Variants in PIGX observed in about 807,000 individuals in gnomAD.
PIGX encodes GPI alpha-1,4-mannosyltransferase I, stabilizing subunit.
PIGX carries 24 observed loss-of-function variants against 28.7 expected under a neutral mutation model. That is an observed-to-expected ratio of 0.84 (90% CI 0.60 to 1.17). The LOEUF (loss-of-function observed/expected upper bound fraction) is 1.17. Among genes scored for constraint, PIGX ranks in the 50% most tolerant of loss-of-function variants. The pLI, the probability that PIGX is intolerant of heterozygous loss-of-function variation, is 0.00. For synonymous variants in PIGX, 127 were observed against 121.0 expected, an observed-to-expected ratio of 1.05 and a Z score of -0.33; for missense variants, 305 against 317.8, an observed-to-expected ratio of 0.96 and a Z score of 0.31.
rs553568373 is a variant in PIGX, at chr3:196,733,055, C to T, written c.634-704C>T. 2.6e-4 allele frequency among the ~76,000 whole-genome samples: 39 copies of T among 152,244 alleles called. No individual in the cohort carries two copies. The South Asian group carries it at 5.4e-3, about 21-fold the overall frequency. ...TTGTTTTAATGTTTTTCCTCTAAGT[C>T]TTCAATTTAGAGAGAATTCTGTATT... On this transcript the variant is annotated intron_variant, in intron 5 of 5. Coordinates refer to ENST00000392391, the MANE Select transcript of PIGX (RefSeq NM_017861.4). The surrounding 1 kb of genome is among the most constrained non-coding windows in gnomAD (Gnocchi z 4.3).
At chr3:196,718,295 C>T (rs977079476) in intron 2 of PIGX, among the ~76,000 whole-genome samples, 2 of 150,170 alleles carry the variant, frequency 1.3e-5, no homozygotes, top group South Asian at 2.1e-4. Flanking sequence ...GGCAACAGAG[C>T]GAGGCAAAAC....
At chr3:196,714,623 G>C (rs564451128) in intron 1 of PIGX, among the ~76,000 whole-genome samples, 2 of 152,064 alleles carry the variant, frequency 1.3e-5, no homozygotes, top group Non-Finnish European at 2.9e-5. Context: ...CACGACGCCC[G>C]GCTAATTTTT....
intron 3 of PIGX, among the ~76,000 whole-genome samples, chr3:196,724,201 G>A (rs1260506652): frequency 6.6e-6 from 1 of 151,846 alleles, no homozygotes; most frequent in African/African-American, 2.4e-5. Context: ...TTTTAGTAGA[G>A]GTGGGGTTTC....
intron 3 of PIGX, 30 bp downstream of exon 3, chr3:196,722,586 GAA>G: frequency 6.3e-7 from 1 of 1,594,700 alleles, no homozygotes; most frequent in Non-Finnish European, 8.6e-7. Flanking sequence ...TTTTGGGAGA[GAA>G]ATTAATTTAG....
At position 196,733,942 on chromosome 3, in the gene PIGX, A is replaced by T. The variant is rs758009707; in HGVS notation, c.*40A>T. 2 of 1,263,502 alleles carry T rather than the reference A, an allele frequency of 1.6e-6. No individual in the cohort carries two copies. The highest frequency in any genetic ancestry group is 1.7e-5 in the Admixed American group (1 of 57,224). 78.3% of individuals were successfully genotyped at this position (1,263,502 alleles called of 1,614,324 possible). A position where few individuals can be genotyped will look rare whatever the true frequency, so the allele number is the denominator to read the frequency against. On this transcript the variant is annotated 3_prime_UTR_variant, in exon 6 of 6. Transcript: ENST00000392391. This position sits in a 1 kb window ranked among gnomAD's most constrained non-coding sequence, Gnocchi z 4.3. ...AATGCTTCCTAGAAACCTAAATAAGATCTATTAATTTCTGACGAGAGGTGT... is the reference window on the plus strand; with the variant it reads ...AATGCTTCCTAGAAACCTAAATAAGTTCTATTAATTTCTGACGAGAGGTGT...
chr3:196,731,512 T>G (rs1712754229), intron 5 of PIGX, among the ~76,000 whole-genome samples: 1 of 152,200 alleles, frequency 6.6e-6, no homozygotes, highest in East Asian at 1.9e-4. Context: ...AAGCTGTTTT[T>G]TCTTACAGCA....
At chr3:196,732,736 T>C (rs1161680501) in intron 5 of PIGX, among the ~76,000 whole-genome samples, 1 of 152,198 alleles carries the variant, frequency 6.6e-6, no homozygotes, top group African/African-American at 2.4e-5. Context: ...TTGTATTTTT[T>C]GGGGTGTGAA....
chr3:196,719,504 T>C (rs1712227803), intron 2 of PIGX, among the ~76,000 whole-genome samples: 1 of 152,184 alleles, frequency 6.6e-6, no homozygotes. Flanking sequence ...TTTGGATGAT[T>C]AGCTATACCT....
At chr3:196,732,442 T>C (rs113899444) in intron 5 of PIGX, among the ~76,000 whole-genome samples, 2,410 of 149,962 alleles carry the variant, frequency 0.016, 56 homozygotes, top group African/African-American at 0.056. Flanking sequence ...CCACCATGCC[T>C]GGATAATTTT....
rs369166918 is a variant in PIGX at position 196,722,461 on chromosome 3, C to T, written c.223C>T (p.His75Tyr). 1.9e-6 allele frequency: 3 copies of T among 1,611,720 alleles called. No individual in the cohort carries two copies. The highest frequency in any genetic ancestry group is 2.2e-5 in the South Asian group (2 of 91,056). Residue 75 changes from histidine (H) to tyrosine (Y), a missense_variant, in exon 3 of 6, where the codon CAC (histidine) becomes TAC (tyrosine). Transcript: ENST00000392391. ...GTTTGGGGAAAGCATTGAGGACTTGCACACCTGCCGTCTCTTAATTAAACA... is the reference window on the plus strand; with the variant it reads ...GTTTGGGGAAAGCATTGAGGACTTGTACACCTGCCGTCTCTTAATTAAACA...
intron 4 of PIGX, chr3:196,728,890 G>T: frequency 1.8e-6 from 1 of 568,906 alleles, no homozygotes. Flanking sequence ...CAGGACTCTG[G>T]CTTTTGATGT....
intron 4 of PIGX, among the ~76,000 whole-genome samples, chr3:196,730,161 C>T (rs1306048038): frequency 1.3e-5 from 2 of 151,618 alleles, no homozygotes; most frequent in Non-Finnish European, 1.5e-5. Flanking sequence ...CCTTTCATGA[C>T]GAGAAAATTA....
intron 1 of PIGX, among the ~76,000 whole-genome samples, chr3:196,715,551 T>C (rs1273497551): frequency 1.3e-5 from 2 of 152,268 alleles, no homozygotes; most frequent in African/African-American, 4.8e-5. Context: ...TCTTTTTTCA[T>C]TCCTTCAAAT....
At chr3:196,725,829 A>C (rs1712498006) in intron 3 of PIGX, among the ~76,000 whole-genome samples, 1 of 152,208 alleles carries the variant, frequency 6.6e-6, no homozygotes, top group African/African-American at 2.4e-5. Flanking sequence ...AGTAGCAGGG[A>C]ATACTTAGCC....
At chr3:196,727,847 G>A in intron 3 of PIGX, 76 bp from the exon 4 acceptor site, 1 of 1,019,452 alleles carries the variant, frequency 9.8e-7, no homozygotes, top group Non-Finnish European at 1.5e-6. Flanking sequence ...TCTGTATATA[G>A]TCTTCTGGTT....
chr3:196,725,159 T>C (rs2108683591), intron 3 of PIGX, among the ~76,000 whole-genome samples: 1 of 152,284 alleles, frequency 6.6e-6, no homozygotes, highest in South Asian at 2.1e-4. Context: ...AGCAGTATAA[T>C]ATTAGATTGA....
Position 196,732,340 on chromosome 3 carries a change from G to C in PIGX, c.633+1248G>C, listed in dbSNP as rs1256665108. On this transcript the variant is annotated intron_variant, in intron 5 of 5. Transcript: ENST00000392391. ...TCTGTTGCCCAGGCTGGAGTGCAGT[G>C]GCACGATCTCGGCTCACCACAACCT... Among the ~76,000 whole-genome samples the C allele has an allele frequency of 3.4e-4, 47 of 139,794 alleles. 2 individuals carry two copies. The Admixed American group carries it at 3.5e-3, about 10-fold the overall frequency. 91.7% of individuals were successfully genotyped at this position (139,794 alleles called of 152,430 possible). A position where few individuals can be genotyped will look rare whatever the true frequency, so the allele number is the denominator to read the frequency against.
rs1020131828 is a variant in PIGX at position 196,712,854 on chromosome 3, G to A, written c.112+210G>A. 1.5e-5 allele frequency: 16 copies of A among 1,090,598 alleles called. No homozygotes were observed. In the African/African-American group the frequency reaches 1.5e-4, roughly 10 times the overall value. The allele number at this position is 1,090,598 out of a possible 1,614,324, so 67.6% of individuals were successfully genotyped here. A position where few individuals can be genotyped will look rare whatever the true frequency, so the allele number is the denominator to read the frequency against. Reference sequence around the variant, plus strand: ...CCGGGTCTCCGGGAGAGTCGGGCTCGGGCCCTGCGGTTCCCAGGCTGGACT... The same window carrying A: ...CCGGGTCTCCGGGAGAGTCGGGCTCAGGCCCTGCGGTTCCCAGGCTGGACT... On this transcript the variant is annotated intron_variant, in intron 1 of 5. Coordinates refer to ENST00000392391, the MANE Select transcript of PIGX (RefSeq NM_017861.4).
intron 2 of PIGX, among the ~76,000 whole-genome samples, chr3:196,718,199 A>G (rs1712176802): frequency 6.6e-6 from 1 of 151,844 alleles, no homozygotes; most frequent in African/African-American, 2.4e-5. Flanking sequence ...AATCCCAGCT[A>G]CTCAGGAAGC....
Sources: gnomAD v4.1 joint callset for allele counts (sites outside exome capture counted in the v4.1 genomes callset) on GRCh38, gnomAD v4.1.1 for gene constraint, Gnocchi (gnomAD v3.1) non-coding constraint, MANE v1.5 for transcripts, NCBI Gene and HGNC (gene_info 2026-07-23, HGNC 2026-07-21) for gene names.